Variants in PLCG1 observed in about 807,000 individuals in gnomAD.
The protein encoded by PLCG1 is 1-phosphatidylinositol 4,5-bisphosphate phosphodiesterase gamma-1.
A neutral mutation model predicts 177.8 loss-of-function variants in PLCG1; 71 were observed. The observed-to-expected ratio is 0.40, with a 90% CI of 0.33 to 0.49. The LOEUF (loss-of-function observed/expected upper bound fraction) is 0.49. PLCG1 is among the 20% of genes least tolerant of loss of function. The probability of loss-of-function intolerance (pLI) is 0.72; values close to 1 mark genes in which losing one functional copy is unlikely to be tolerated. For missense variants in PLCG1, 1,281 were observed against 1,709.0 expected, an observed-to-expected ratio of 0.75 and a Z score of 4.42; for synonymous variants, 658 against 647.9, an observed-to-expected ratio of 1.02 and a Z score of -0.24.
chr20:41,160,124 T>C lies in PLCG1; in HGVS notation c.483T>C (p.Phe161=). 6.2e-7 allele frequency: 1 copy of C among 1,614,154 alleles called. No homozygotes were observed. The highest frequency in any genetic ancestry group is 8.5e-7 in the Non-Finnish European group (1 of 1,180,022). Residue 161 remains phenylalanine (F), a synonymous_variant, in exon 4 of 32, where the codon TTT becomes TTC. Coordinates refer to ENST00000685551, the MANE Select transcript of PLCG1 (RefSeq NM_002660.3). This position sits in a 1 kb window ranked among gnomAD's most constrained non-coding sequence, Gnocchi z 5.5. ...TCTCCAGGTGGCTCCGGAAGCAGTT[T>C]TACTCAGTGGATCGGAATCGTGAGG... The part of the protein sequence containing the change: ...LQIERWLRKQ[F]YSVDRNREDR...
Position 41,173,325 on chromosome 20 carries a change from C to A in PLCG1, c.3280-95C>A. ...TCCCGGGGGCCCAGCAGAGGGCGCG[C>A]TGCCTCCACTCCACAGATGCTGACT... On this transcript the variant is annotated intron_variant, in intron 27 of 31. Coordinates refer to ENST00000685551, the MANE Select transcript of PLCG1 (RefSeq NM_002660.3). This position sits in a 1 kb window ranked among gnomAD's most constrained non-coding sequence, Gnocchi z 6.2. 5 of 1,333,686 alleles carry A rather than the reference C, an allele frequency of 3.7e-6. No homozygotes were observed. Among genetic ancestry groups the A allele is most frequent in the Non-Finnish European group, 5.0e-6 (5 of 990,996 alleles). 82.6% of individuals were successfully genotyped at this position (1,333,686 alleles called of 1,614,324 possible).
rs937955202 is a variant in PLCG1 at position 41,174,738 on chromosome 20, C to T, written c.*229C>T. The T allele has an allele frequency of 1.8e-5, 10 of 564,472 alleles. No individual in the cohort carries two copies. The highest frequency in any genetic ancestry group is 9.1e-5 in the Admixed American group (3 of 32,938). The allele number at this position is 564,472 out of a possible 1,614,324, so 35.0% of individuals were successfully genotyped here. On this transcript the variant is annotated 3_prime_UTR_variant, in exon 32 of 32. Coordinates refer to ENST00000685551, the MANE Select transcript of PLCG1 (RefSeq NM_002660.3). This position sits in a 1 kb window ranked among gnomAD's most constrained non-coding sequence, Gnocchi z 5.8. ...TGAAGGCAAAAACTGTACTGTGTTTCGCATTAAGCACACACATCTGGCCCT... is the reference window on the plus strand; with the variant it reads ...TGAAGGCAAAAACTGTACTGTGTTTTGCATTAAGCACACACATCTGGCCCT...
At chr20:41,142,382 C>T (rs2034858051) in intron 1 of PLCG1, among the ~76,000 whole-genome samples, 1 of 152,210 alleles carries the variant, frequency 6.6e-6, no homozygotes, top group African/African-American at 2.4e-5. Flanking sequence ...CTGGAGGCGA[C>T]GGGAGTCAGC....
rs534106686 is a variant in PLCG1 at position 41,174,525 on chromosome 20, G to A, written c.*16G>A. 21 of 1,578,204 alleles carry A rather than the reference G, an allele frequency of 1.3e-5. No individual in the cohort carries two copies. In the South Asian group the frequency reaches 1.7e-4, roughly 13 times the overall value. Reference sequence around the variant, plus strand: ...CCGCCTCTAGTTGTACCCCAGCCTCGTTGGAGAGCAGCAGGTGCTGTGCGC... The same window carrying A: ...CCGCCTCTAGTTGTACCCCAGCCTCATTGGAGAGCAGCAGGTGCTGTGCGC... On this transcript the variant is annotated 3_prime_UTR_variant, in exon 32 of 32. Coordinates refer to ENST00000685551, the MANE Select transcript of PLCG1 (RefSeq NM_002660.3). This position sits in a 1 kb window ranked among gnomAD's most constrained non-coding sequence, Gnocchi z 5.8.
chr20:41,142,784 A>AACCTGTATAAAGTGCTTAGC (rs1267843170), intron 1 of PLCG1, among the ~76,000 whole-genome samples: 1 of 152,072 alleles, frequency 6.6e-6, no homozygotes, highest in African/African-American at 2.4e-5. Context: ...ATTTGATGAG[A>AACCTGTATAAAGTGCTTAGC]ACCTGTATAA....
chr20:41,156,096 ATG>A lies in PLCG1; in HGVS notation c.218-3507_218-3506del, dbSNP rs1355084558. ...AAGGTTCTCAGTCCTCAGAGCTGACATGTGATATACAGTCCAGGCACAGGTGT... is the reference window on the plus strand; with the variant it reads ...AAGGTTCTCAGTCCTCAGAGCTGACATGATATACAGTCCAGGCACAGGTGT... On this transcript the variant is annotated intron_variant, in intron 1 of 31. Coordinates refer to ENST00000685551, the MANE Select transcript of PLCG1 (RefSeq NM_002660.3). The surrounding 1 kb of genome is among the most constrained non-coding windows in gnomAD (Gnocchi z 5.0). Among the ~76,000 whole-genome samples the A allele has an allele frequency of 6.6e-6, 1 of 152,204 alleles. No individual in the cohort carries two copies. The highest frequency in any genetic ancestry group is 2.4e-5 in the African/African-American group (1 of 41,460).
At chr20:41,141,334 A>G (rs1483313246) in intron 1 of PLCG1, among the ~76,000 whole-genome samples, 1 of 152,246 alleles carries the variant, frequency 6.6e-6, no homozygotes, top group Non-Finnish European at 1.5e-5. Flanking sequence ...TTTTAGGGAA[A>G]TGAAAACAGG....
chr20:41,156,738 A>C lies in PLCG1; in HGVS notation c.218-2868A>C, dbSNP rs1220446058. The stretch of plus-strand genomic sequence containing the variant: ...TAGTTCTCCCCTTCTCAAGCTCCTA[A>C]GTTCTGGGAAGGTCTCTTTTCCTGC... On this transcript the variant is annotated intron_variant, in intron 1 of 31. Transcript: ENST00000685551. The surrounding 1 kb of genome is among the most constrained non-coding windows in gnomAD (Gnocchi z 5.0). 1.3e-5 allele frequency among the ~76,000 whole-genome samples: 2 copies of C among 152,086 alleles called. No individual in the cohort carries two copies. Among genetic ancestry groups the C allele is most frequent in the Non-Finnish European group, 2.9e-5 (2 of 67,998 alleles).
intron 1 of PLCG1, among the ~76,000 whole-genome samples, chr20:41,158,443 G>A (rs773513349): frequency 6.6e-6 from 1 of 152,228 alleles, no homozygotes; most frequent in Non-Finnish European, 1.5e-5. Context: ...ACCTTAAATC[G>A]GTGATTTCTG....
intron 1 of PLCG1, among the ~76,000 whole-genome samples, chr20:41,143,455 C>A (rs1385230444): frequency 6.6e-6 from 1 of 152,164 alleles, no homozygotes; most frequent in East Asian, 1.9e-4. Flanking sequence ...GAGGAGAGTC[C>A]TAGGAGAGAT....
chr20:41,140,197 G>GGA (rs1280450281), intron 1 of PLCG1, among the ~76,000 whole-genome samples: 1 of 152,202 alleles, frequency 6.6e-6, no homozygotes, highest in Non-Finnish European at 1.5e-5. Context: ...GGATGTAGGA[G>GGA]GACCCTGGCT....
In PLCG1 at chr20:41,170,200, C is replaced by A. The variant is rs776818097; in HGVS notation, c.2739C>A (p.Ala913=). The A allele has an allele frequency of 1.2e-6, 2 of 1,614,054 alleles. No homozygotes were observed. Among genetic ancestry groups the A allele is most frequent in the African/African-American group, 2.7e-5 (2 of 75,018 alleles). ...SVAHWSLDVA[A]DSQEELQDWV... ...CCCACTGGTCCCTGGATGTTGCTGC[C>A]GACTCACAGGAGGAGCTGCAGGACT... Residue 913 remains alanine, a synonymous_variant, in exon 24 of 32, where the codon GCC becomes GCA. Coordinates refer to ENST00000685551, the MANE Select transcript of PLCG1 (RefSeq NM_002660.3).
At chr20:41,149,898 A>G (rs1014109436) in intron 1 of PLCG1, among the ~76,000 whole-genome samples, 1 of 152,224 alleles carries the variant, frequency 6.6e-6, no homozygotes, top group Non-Finnish European at 1.5e-5. Context: ...AGGACCATAG[A>G]TAAGTGATTT....
At chr20:41,138,478 AT>A (rs1175225004) in intron 1 of PLCG1, among the ~76,000 whole-genome samples, 7,569 of 137,934 alleles carry the variant, frequency 0.055, 611 homozygotes, top group African/African-American at 0.19. Flanking sequence ...AGTGGCTGGA[AT>A]TTTTTTTTTT....
At position 41,137,904 on chromosome 20, in the gene PLCG1, G is replaced by C. The variant is rs764039383; in HGVS notation, c.217+46G>C. 1.7e-6 allele frequency: 2 copies of C among 1,197,500 alleles called. No individual in the cohort carries two copies. Among genetic ancestry groups the C allele is most frequent in the Admixed American group, 8.5e-5 (2 of 23,652 alleles). The allele number at this position is 1,197,500 out of a possible 1,614,324, so 74.2% of individuals were successfully genotyped here. A position where few individuals can be genotyped will look rare whatever the true frequency, so the allele number is the denominator to read the frequency against. ...CCTGGGCCCGCCCCGCGCGGGGGTCGTGGGAGCCCGGCCCGACTGCTTGCA... is the reference window on the plus strand; with the variant it reads ...CCTGGGCCCGCCCCGCGCGGGGGTCCTGGGAGCCCGGCCCGACTGCTTGCA... On this transcript the variant is annotated intron_variant, in intron 1 of 31. Transcript: ENST00000685551. This position sits in a 1 kb window ranked among gnomAD's most constrained non-coding sequence, Gnocchi z 7.3.
Position 41,172,556 on chromosome 20 carries a change from A to G in PLCG1, c.3041A>G (p.Lys1014Arg). 1 of 1,614,218 alleles carries G rather than the reference A, an allele frequency of 6.2e-7. No homozygotes were observed. Among genetic ancestry groups the G allele is most frequent in the Non-Finnish European group, 8.5e-7 (1 of 1,180,032 alleles). Residue 1014 changes from lysine (K) to arginine (R), a missense_variant, in exon 26 of 32, where the codon AAG becomes AGG. Lys to Arg is a conservative substitution (Grantham distance 26). Transcript: ENST00000685551. This position sits in a 1 kb window ranked among gnomAD's most constrained non-coding sequence, Gnocchi z 7.0. ...CTGCAGCTCTCCCGCATCTACCCCA[A>G]GGGCCAGCGACTGGATTCCTCCAAC... The part of the protein sequence containing the change: ...NRLQLSRIYP[K>R]GQRLDSSNYD...
chr20:41,162,224 G>GTTTTTTTTTTTTT (rs1568742730), intron 4 of PLCG1: 5 of 314,032 alleles, frequency 1.6e-5, no homozygotes, highest in Admixed American at 5.2e-5. Flanking sequence ...TTTTTTGTTT[G>GTTTTTTTTTTTTT]TTTTGTTTTT....
Position 41,167,769 on chromosome 20 carries a change from G to T in PLCG1, c.2302-83G>T. The T allele has an allele frequency of 1.0e-6, 1 of 977,224 alleles. No homozygotes were observed. Among genetic ancestry groups the T allele is most frequent in the Non-Finnish European group, 1.6e-6 (1 of 612,244 alleles). 60.5% of individuals were successfully genotyped at this position (977,224 alleles called of 1,614,324 possible). On this transcript the variant is annotated intron_variant, in intron 19 of 31. Coordinates refer to ENST00000685551, the MANE Select transcript of PLCG1 (RefSeq NM_002660.3). This position sits in a 1 kb window ranked among gnomAD's most constrained non-coding sequence, Gnocchi z 4.4. The stretch of plus-strand genomic sequence containing the variant: ...TGCAAGTTTGCTGCACTGGGGGAAA[G>T]GGAAGCTGCTCCAGAAACCAGTAGC...
In PLCG1 at chr20:41,174,143, G is replaced by C; in HGVS notation, c.3665G>C (p.Ser1222Thr). 3 of 1,613,854 alleles carry C rather than the reference G, an allele frequency of 1.9e-6. No individual in the cohort carries two copies. Among genetic ancestry groups the C allele is most frequent in the Non-Finnish European group, 2.5e-6 (3 of 1,179,756 alleles). ...TTGAAGCAGGAGAATGGTGACCTCA[G>C]TCCCTTCAGTGGTACGTCCCTGCGG... Reference protein sequence around the residue: ...FPAKQENGDLSPFSGTSLRER... With the variant: ...FPAKQENGDLTPFSGTSLRER... The change falls in exon 31 of 32, where the codon AGT (serine) becomes ACT (threonine). Residue 1222 changes from serine (S) to threonine (T), a missense_variant. Ser to Thr is a moderately conservative substitution (Grantham distance 58, BLOSUM62 1). Coordinates refer to ENST00000685551, the MANE Select transcript of PLCG1 (RefSeq NM_002660.3). This position sits in a 1 kb window ranked among gnomAD's most constrained non-coding sequence, Gnocchi z 5.8.
Sources: gnomAD v4.1 joint callset for allele counts (sites outside exome capture counted in the v4.1 genomes callset) on GRCh38, gnomAD v4.1.1 for gene constraint, Gnocchi (gnomAD v3.1) non-coding constraint, MANE v1.5 for transcripts, NCBI Gene and HGNC (gene_info 2026-07-23, HGNC 2026-07-21) for gene names.